The following GREB1L variants were observed in gnomAD, a reference collection of about 807,000 sequenced individuals.
The protein encoded by GREB1L is GREB1-like protein.
A neutral mutation model predicts 200.8 loss-of-function variants in GREB1L; 17 were observed. That is an observed-to-expected ratio of 0.08 (90% CI 0.06 to 0.13). The LOEUF is 0.13. GREB1L is among the 10% of genes least tolerant of loss of function. The pLI is 1.00. For missense variants in GREB1L, 1,657 were observed against 2,367.7 expected, an observed-to-expected ratio of 0.70 and a Z score of 6.23; for synonymous variants, 789 against 893.0, an observed-to-expected ratio of 0.88 and a Z score of 2.08.
chr18:21,379,104 A>C (rs1417914239), intron 2 of GREB1L, among the ~76,000 whole-genome samples: 1 of 152,148 alleles, frequency 6.6e-6, no homozygotes, highest in Admixed American at 6.5e-5. Context: ...TTACTCCTTA[A>C]ACTCTAAGTT....
At chr18:21,254,100 C>T (rs1202716939) in intron 1 of GREB1L, among the ~76,000 whole-genome samples, 9 of 123,122 alleles carry the variant, frequency 7.3e-5, no homozygotes, top group African/African-American at 3.0e-4. Flanking sequence ...TAGAGAGTCT[C>T]GCTCTGTCTC....
At chr18:21,329,943 C>A (rs1261004810) in intron 1 of GREB1L, among the ~76,000 whole-genome samples, 1 of 148,104 alleles carries the variant, frequency 6.8e-6, no homozygotes, top group Non-Finnish European at 1.5e-5. Flanking sequence ...CTTGGCACTC[C>A]TCTTTACCCA....
At chr18:21,379,632 T>A (rs2040222389) in intron 2 of GREB1L, among the ~76,000 whole-genome samples, 1 of 152,242 alleles carries the variant, frequency 6.6e-6, no homozygotes, top group African/African-American at 2.4e-5. Flanking sequence ...TGTTATTTCA[T>A]TGTTCACAGA....
intron 1 of GREB1L, among the ~76,000 whole-genome samples, chr18:21,295,291 G>A (rs950813247): frequency 8.5e-5 from 13 of 152,116 alleles, no homozygotes; most frequent in Non-Finnish European, 1.5e-5. Flanking sequence ...GGAACGGCTT[G>A]TTATTCAAGC....
chr18:21,479,445 G>A (rs758316462), intron 17 of GREB1L, among the ~76,000 whole-genome samples: 2 of 152,078 alleles, frequency 1.3e-5, no homozygotes, highest in Non-Finnish European at 1.5e-5. Flanking sequence ...TAGGGAGGCC[G>A]AGGTGGGTGG....
intron 15 of GREB1L, among the ~76,000 whole-genome samples, chr18:21,462,411 G>A (rs541075430): frequency 6.6e-6 from 1 of 152,294 alleles, no homozygotes; most frequent in Non-Finnish European, 1.5e-5. Flanking sequence ...AGTTAAGTCA[G>A]AAGCTAATGA....
chr18:21,356,900 T>C (rs1412948148), intron 1 of GREB1L, among the ~76,000 whole-genome samples: 1 of 152,254 alleles, frequency 6.6e-6, no homozygotes, highest in African/African-American at 2.4e-5. Flanking sequence ...ATTGTGATTT[T>C]AATTTATGTT....
At chr18:21,264,989 T>C (rs1370911266) in intron 1 of GREB1L, among the ~76,000 whole-genome samples, 1 of 152,164 alleles carries the variant, frequency 6.6e-6, no homozygotes, top group Non-Finnish European at 1.5e-5. Flanking sequence ...TCTTCCACAT[T>C]CTTGCTGTTA....
At chr18:21,447,800 C>T (rs1417335381) in intron 11 of GREB1L, among the ~76,000 whole-genome samples, 1 of 152,116 alleles carries the variant, frequency 6.6e-6, no homozygotes, top group Non-Finnish European at 1.5e-5. Context: ...GAATGAAGAT[C>T]AGACATCTTG....
chr18:21,391,704 G>T (rs1403370435), intron 4 of GREB1L, among the ~76,000 whole-genome samples: 1 of 152,170 alleles, frequency 6.6e-6, no homozygotes, highest in Non-Finnish European at 1.5e-5. Flanking sequence ...ATAATAGTGT[G>T]TAATCTTTTG....
At chr18:21,296,530 C>T (rs118047873) in intron 1 of GREB1L, among the ~76,000 whole-genome samples, 1 of 152,070 alleles carries the variant, frequency 6.6e-6, no homozygotes, top group East Asian at 1.9e-4. Flanking sequence ...CTCAGCATCA[C>T]TCAGTTTACC....
chr18:21,375,063 T>A (rs1383396117), intron 2 of GREB1L, among the ~76,000 whole-genome samples: 2 of 136,722 alleles, frequency 1.5e-5, no homozygotes, highest in Admixed American at 1.4e-4. Context: ...TTTTGTTTTT[T>A]GTTTTTGTTT....
intron 1 of GREB1L, among the ~76,000 whole-genome samples, chr18:21,280,992 A>T (rs544005773): frequency 6.6e-6 from 1 of 152,146 alleles, no homozygotes; most frequent in South Asian, 2.1e-4. Flanking sequence ...AGGTAGGTGG[A>T]CTCAGCTTTC....
chr18:21,293,680 C>T lies in GREB1L; in HGVS notation c.-120+51287C>T, dbSNP rs111497246. On this transcript the variant is annotated intron_variant, in intron 1 of 32. Transcript: ENST00000424526. ...ATATGCCTGTTTGCCAATATAGTCACTCATTTACAAAGTCACTATAGTTAG... is the reference window on the plus strand; with the variant it reads ...ATATGCCTGTTTGCCAATATAGTCATTCATTTACAAAGTCACTATAGTTAG... Among the ~76,000 whole-genome samples the T allele has an allele frequency of 7.5e-3, 1,147 of 152,284 alleles. 19 individuals are homozygous for T. The highest frequency in any genetic ancestry group is 0.027 in the African/African-American group (1,105 of 41,530).
intron 1 of GREB1L, among the ~76,000 whole-genome samples, chr18:21,251,940 A>G (rs1390375304): frequency 7.5e-6 from 1 of 133,508 alleles, no homozygotes; most frequent in Non-Finnish European, 1.5e-5. Flanking sequence ...GTGAGACTCC[A>G]TCTCAAAAAA....
chr18:21,494,868 A>G (rs1466974146), intron 19 of GREB1L, among the ~76,000 whole-genome samples: 1 of 152,230 alleles, frequency 6.6e-6, no homozygotes, highest in African/African-American at 2.4e-5. Context: ...ATATTTTTCA[A>G]ATTGGCGGGA....
intron 23 of GREB1L, among the ~76,000 whole-genome samples, chr18:21,502,796 C>A (rs1031133557): frequency 6.6e-6 from 1 of 152,196 alleles, no homozygotes; most frequent in Non-Finnish European, 1.5e-5. Flanking sequence ...TCTGCCAGCT[C>A]TCCCGCCAGG....
chr18:21,280,707 G>A (rs1400703573), intron 1 of GREB1L, among the ~76,000 whole-genome samples: 1 of 151,814 alleles, frequency 6.6e-6, no homozygotes, highest in Non-Finnish European at 1.5e-5. Flanking sequence ...CTTTTTGTTT[G>A]CTTGTTTTGT....
chr18:21,518,272 C>G (rs1467186408), intron 31 of GREB1L, 38 bp downstream of exon 31: 4 of 1,511,332 alleles, frequency 2.6e-6, no homozygotes, highest in African/African-American at 1.4e-5. Context: ...TTACCTACAT[C>G]CATCCATTTC....
Sources: allele counts gnomAD v4.1 joint callset (sites outside exome capture counted in the v4.1 genomes callset), GRCh38; gene constraint gnomAD v4.1.1; transcripts MANE v1.5; gene names NCBI Gene and HGNC (gene_info 2026-07-23, HGNC 2026-07-21).